STIM2: variants seen among roughly 807,000 people sequenced by gnomAD.
The protein encoded by STIM2 is stromal interaction molecule 2.
Under a neutral mutation model 85.8 loss-of-function variants are expected in STIM2, and 31 were observed. The ratio of observed to expected loss-of-function variants is 0.36; its 90% confidence interval spans 0.27 to 0.49. The LOEUF is 0.49. Among genes scored for constraint, STIM2 ranks in the 20% least tolerant of loss-of-function variants. The pLI is 0.98. For synonymous variants in STIM2, 356 were observed against 331.1 expected (o/e 1.08, Z -0.82); for missense variants, 841 against 927.6 (o/e 0.91, Z 1.21).
rs753683702 is a variant in STIM2 at position 27,002,994 on chromosome 4, A to G, written c.871A>G (p.Met291Val). The change falls in exon 7 of 12, where the codon ATG (methionine) becomes GTG (valine). Residue 291 changes from methionine (M) to valine (V), a missense_variant. Coordinates refer to ENST00000467087, the MANE Select transcript of STIM2 (RefSeq NM_020860.4). Reference sequence around the variant, plus strand: ...AAAGCAAAATTTAGAGCGCAAAATGATGGATGAAATCAATTATGCAAAGGA... The same window carrying G: ...AAAGCAAAATTTAGAGCGCAAAATGGTGGATGAAATCAATTATGCAAAGGA... 1.2e-6 allele frequency: 2 copies of G among 1,600,952 alleles called. No homozygotes were observed. The highest frequency in any genetic ancestry group is 1.4e-5 in the African/African-American group (1 of 74,072).
chr4:26,911,115 TA>T (rs1356580915), intron 1 of STIM2, among the ~76,000 whole-genome samples: 5 of 151,902 alleles, frequency 3.3e-5, no homozygotes, highest in African/African-American at 1.2e-4. Flanking sequence ...TGGGCGCCTG[TA>T]GTCCCAGCTA....
intron 10 of STIM2, 142 bp from the exon 11 acceptor site, chr4:27,017,569 A>G: frequency 9.5e-7 from 1 of 1,051,216 alleles, no homozygotes; most frequent in African/African-American, 1.6e-5. Context: ...AGAGAATGGT[A>G]ATAACTGTAC....
intron 1 of STIM2, among the ~76,000 whole-genome samples, chr4:26,896,833 A>G (rs1723728833): frequency 6.6e-6 from 1 of 152,224 alleles, no homozygotes; most frequent in African/African-American, 2.4e-5. Context: ...CTGCTCTGTC[A>G]TCACAAAGGA....
chr4:26,987,742 A>G (rs1292119506), intron 3 of STIM2, among the ~76,000 whole-genome samples: 1 of 152,232 alleles, frequency 6.6e-6, no homozygotes, highest in African/African-American at 2.4e-5. Context: ...GCCCCAATGT[A>G]TACTTGATGT....
chr4:26,998,849 T>C (rs887045778), intron 4 of STIM2, among the ~76,000 whole-genome samples: 4 of 151,384 alleles, frequency 2.6e-5, no homozygotes, highest in African/African-American at 9.7e-5. Context: ...GAGGCGGAGG[T>C]TGCAGAGAGC....
chr4:26,881,957 C>T (rs142165487), intron 1 of STIM2, among the ~76,000 whole-genome samples: 6 of 152,184 alleles, frequency 3.9e-5, no homozygotes, highest in African/African-American at 1.4e-4. Context: ...TAAAAAATAT[C>T]TATTTGTATG....
chr4:27,008,523 A>G lies in STIM2; in HGVS notation c.1245A>G (p.Glu415=), dbSNP rs367612347. 3.8e-6 allele frequency: 6 copies of G among 1,588,974 alleles called. No homozygotes were observed. In the African/African-American group the frequency reaches 8.1e-5, roughly 21 times the overall value. The change falls in exon 9 of 12, where the codon GAA becomes GAG. Residue 415 remains glutamate (E), a synonymous_variant. Coordinates refer to ENST00000467087, the MANE Select transcript of STIM2 (RefSeq NM_020860.4). ...ATGAGGTAGACCACAAAATTCTGGAAGCAAAGTAAGAATGTTGTTTTCACT... is the reference window on the plus strand; with the variant it reads ...ATGAGGTAGACCACAAAATTCTGGAGGCAAAGTAAGAATGTTGTTTTCACT...
At chr4:26,974,932 G>A (rs138058564) in intron 3 of STIM2, among the ~76,000 whole-genome samples, 2,557 of 152,030 alleles carry the variant, frequency 0.017, 36 homozygotes, top group Non-Finnish European at 0.027. Context: ...GGCTTTGTTC[G>A]TTTCTTTTTA....
intron 3 of STIM2, among the ~76,000 whole-genome samples, chr4:26,989,802 A>C (rs945274907): frequency 4.6e-5 from 7 of 152,190 alleles, no homozygotes; most frequent in African/African-American, 1.4e-4. Flanking sequence ...AGGCAGTAGC[A>C]TCTCTATACA....
chr4:26,893,057 A>G (rs970236530), intron 1 of STIM2, among the ~76,000 whole-genome samples: 1 of 152,222 alleles, frequency 6.6e-6, no homozygotes, highest in Non-Finnish European at 1.5e-5. Context: ...ATGTGTTAGA[A>G]TCACTACCCC....
intron 10 of STIM2, among the ~76,000 whole-genome samples, chr4:27,011,775 T>C (rs948283118): frequency 1.3e-5 from 2 of 152,196 alleles, no homozygotes; most frequent in Non-Finnish European, 2.9e-5. Context: ...TTGTTCTTGC[T>C]GTGGAATCCC....
Position 26,889,685 on chromosome 4 carries a change from G to A in STIM2, c.151+28316G>A, listed in dbSNP as rs769526339. Among the ~76,000 whole-genome samples, 30 of 152,084 alleles carry A rather than the reference G, an allele frequency of 2.0e-4. 1 individual carries two copies. The highest frequency in any genetic ancestry group is 1.2e-3 in the Admixed American group (18 of 15,262). ...CCTCATTAGCACCTGTAGCCAGGTC[G>A]GCCTTGGTACATAGAAGTTCATGTT... On this transcript the variant is annotated intron_variant, in intron 1 of 11. Coordinates refer to ENST00000467087, the MANE Select transcript of STIM2 (RefSeq NM_020860.4).
At chr4:27,010,824 AAAC>A (rs1728532921) in intron 10 of STIM2, among the ~76,000 whole-genome samples, 1 of 152,234 alleles carries the variant, frequency 6.6e-6, no homozygotes, top group African/African-American at 2.4e-5. Flanking sequence ...TGGAAAGAAA[AAAC>A]ACAGAAAATA....
chr4:26,947,988 C>T (rs781419503), intron 2 of STIM2, among the ~76,000 whole-genome samples: 13 of 152,066 alleles, frequency 8.5e-5, no homozygotes, highest in Non-Finnish European at 1.3e-4. Context: ...TGTAAACATT[C>T]CATAATAGGG....
chr4:26,983,043 C>T (rs1031338839), intron 3 of STIM2, among the ~76,000 whole-genome samples: 4 of 152,134 alleles, frequency 2.6e-5, no homozygotes, highest in South Asian at 2.1e-4. Flanking sequence ...CCCTGTTGTC[C>T]GCATTATAGA....
chr4:27,007,036 A>G (rs548083581), intron 7 of STIM2, among the ~76,000 whole-genome samples: 2 of 152,248 alleles, frequency 1.3e-5, no homozygotes, highest in Admixed American at 6.5e-5. Context: ...AAGGAGCTAC[A>G]GTAGGCTCTT....
intron 3 of STIM2, among the ~76,000 whole-genome samples, chr4:26,972,619 A>G (rs1172882409): frequency 6.6e-6 from 1 of 152,056 alleles, no homozygotes; most frequent in Non-Finnish European, 1.5e-5. Context: ...AAGCTTTTTG[A>G]TGTGCTGCTG....
At chr4:27,004,344 G>A (rs1428296022) in intron 7 of STIM2, among the ~76,000 whole-genome samples, 2 of 152,032 alleles carry the variant, frequency 1.3e-5, no homozygotes, top group Non-Finnish European at 2.9e-5. Flanking sequence ...ACAGAATGTA[G>A]CAAAGAATCA....
chr4:27,014,198 T>C (rs1215619286), intron 10 of STIM2, among the ~76,000 whole-genome samples: 1 of 151,914 alleles, frequency 6.6e-6, no homozygotes, highest in Non-Finnish European at 1.5e-5. Context: ...TGTTTATTTC[T>C]GCTCTTTTAT....
Sources: gnomAD v4.1 joint callset for allele counts (sites outside exome capture counted in the v4.1 genomes callset) on GRCh38, gnomAD v4.1.1 for gene constraint, MANE v1.5 for transcripts, NCBI Gene and HGNC (gene_info 2026-07-23, HGNC 2026-07-21) for gene names.